PAFAH1B1: variants seen among roughly 807,000 people sequenced by gnomAD.
PAFAH1B1 encodes platelet activating factor acetylhydrolase 1b regulatory subunit 1.
A neutral mutation model predicts 57.5 loss-of-function variants in PAFAH1B1; 2 were observed. That is an observed-to-expected ratio of 0.03 (90% CI 0.01 to 0.11). PAFAH1B1 has a LOEUF of 0.11. Among genes scored for constraint, PAFAH1B1 ranks in the 10% least tolerant of loss-of-function variants. The pLI is 1.00. For missense variants in PAFAH1B1, 257 were observed against 512.0 expected (o/e 0.50, Z 4.81); for synonymous variants, 152 against 169.6 (o/e 0.90, Z 0.81).
At chr17:2,655,398 G>C (rs1259375084) in intron 2 of PAFAH1B1, among the ~76,000 whole-genome samples, 1 of 152,134 alleles carries the variant, frequency 6.6e-6, no homozygotes, top group African/African-American at 2.4e-5. Context: ...CGTAGGCCAG[G>C]CACAGTGGCT....
chr17:2,665,176 T>G (rs2069089662), intron 2 of PAFAH1B1, among the ~76,000 whole-genome samples, 196 bp from the exon 3 acceptor site: 2 of 151,988 alleles, frequency 1.3e-5, no homozygotes, highest in Admixed American at 6.5e-5. Context: ...TATAATATTA[T>G]GGATGTAGTA....
chr17:2,682,217 T>A lies in PAFAH1B1; in HGVS notation c.*415T>A, dbSNP rs2069394691. 1 of 162,496 alleles carries A rather than the reference T, an allele frequency of 6.2e-6. No individual in the cohort carries two copies. Among genetic ancestry groups the A allele is most frequent in the African/African-American group, 2.4e-5 (1 of 41,678 alleles). The allele number at this position is 162,496 out of a possible 1,614,324, so 10.1% of individuals were successfully genotyped here. A position where few individuals can be genotyped will look rare whatever the true frequency, so the allele number is the denominator to read the frequency against. On this transcript the variant is annotated 3_prime_UTR_variant, in exon 11 of 11. Coordinates refer to ENST00000397195, the MANE Select transcript of PAFAH1B1 (RefSeq NM_000430.4). Reference sequence around the variant, plus strand: ...GGGAAAAGTGGTGGTTATTAGGGCTTTTTCTGAAATGTGTATCTATGTAAC... The same window carrying A: ...GGGAAAAGTGGTGGTTATTAGGGCTATTTCTGAAATGTGTATCTATGTAAC...
intron 2 of PAFAH1B1, among the ~76,000 whole-genome samples, chr17:2,648,633 G>A (rs1357295639): frequency 3.3e-5 from 5 of 149,600 alleles, no homozygotes; most frequent in South Asian, 2.1e-4. Context: ...ACCTGAGATC[G>A]TGCCATTGCA....
intron 2 of PAFAH1B1, among the ~76,000 whole-genome samples, chr17:2,654,080 T>G (rs1435994043): frequency 6.6e-6 from 1 of 152,190 alleles, no homozygotes; most frequent in Admixed American, 6.5e-5. Context: ...GTGCTGGGAT[T>G]ACAGGCGTGA....
In PAFAH1B1 at chr17:2,674,178, G is replaced by T. The variant is rs201199675; in HGVS notation, c.790G>T (p.Ala264Ser). 6.2e-7 allele frequency: 1 copy of T among 1,613,992 alleles called. No individual in the cohort carries two copies. Among genetic ancestry groups the T allele is most frequent in the Admixed American group, 1.7e-5 (1 of 59,978 alleles). Residue 264 changes from alanine (A) to serine (S), a missense_variant, in exon 8 of 11, where the codon GCA becomes TCA. Ala to Ser is a moderately conservative substitution (Grantham distance 99). Coordinates refer to ENST00000397195, the MANE Select transcript of PAFAH1B1 (RefSeq NM_000430.4). ...NDQTVRVWVVATKECKAELRE... is the reference protein window; with the variant it reads ...NDQTVRVWVVSTKECKAELRE... ...CCAGACTGTGCGTGTATGGGTCGTA[G>T]CAACAAAGGAATGCAAGGCTGAGCT...
intron 2 of PAFAH1B1, among the ~76,000 whole-genome samples, chr17:2,654,539 T>C (rs1391295003): frequency 6.6e-6 from 1 of 152,192 alleles, no homozygotes; most frequent in Non-Finnish European, 1.5e-5. Flanking sequence ...ATATTTTCAC[T>C]TTCTATGCAG....
chr17:2,672,285 CAAAAAAA>C (rs35332619), intron 6 of PAFAH1B1, among the ~76,000 whole-genome samples: 4 of 69,590 alleles, frequency 5.7e-5, no homozygotes, highest in Non-Finnish European at 7.1e-5. Flanking sequence ...CCTTGCCTCA[CAAAAAAA>C]AAAAAAAAAA....
chr17:2,675,816 G>T lies in PAFAH1B1; in HGVS notation c.901-689G>T, dbSNP rs56277308. 5.3e-5 allele frequency among the ~76,000 whole-genome samples: 8 copies of T among 152,156 alleles called. No homozygotes were observed. The South Asian group carries it at 1.5e-3, about 28-fold the overall frequency. The stretch of plus-strand genomic sequence containing the variant: ...TGATTGTTCCACTGCACTCCAGCCT[G>T]GGTGACAGAATGAGACCCTGTCTTG... On this transcript the variant is annotated intron_variant, in intron 8 of 10. Coordinates refer to ENST00000397195, the MANE Select transcript of PAFAH1B1 (RefSeq NM_000430.4).
chr17:2,668,976 CAT>C (rs1236153232), intron 5 of PAFAH1B1, among the ~76,000 whole-genome samples: 1 of 152,014 alleles, frequency 6.6e-6, no homozygotes, highest in African/African-American at 2.4e-5. Flanking sequence ...GACACACATA[CAT>C]ATATATGTGT....
chr17:2,652,433 A>C (rs1354744614), intron 2 of PAFAH1B1, among the ~76,000 whole-genome samples: 3 of 151,826 alleles, frequency 2.0e-5, no homozygotes, highest in Non-Finnish European at 4.4e-5. Flanking sequence ...CAAAACAAAA[A>C]CCAAAAACAT....
chr17:2,628,784 C>G (rs1238978159), intron 1 of PAFAH1B1, among the ~76,000 whole-genome samples: 1 of 152,082 alleles, frequency 6.6e-6, no homozygotes, highest in South Asian at 2.1e-4. Flanking sequence ...TTGGTCTGTT[C>G]AGCGTATCTA....
At chr17:2,665,342 T>G in intron 2 of PAFAH1B1, 30 bp from the exon 3 acceptor site, 1 of 1,278,422 alleles carries the variant, frequency 7.8e-7, no homozygotes, top group Non-Finnish European at 1.1e-6. Flanking sequence ...GAGGTCTTTT[T>G]TTTAGGAGTC....
intron 10 of PAFAH1B1, chr17:2,681,242 A>T (rs999509790): frequency 2.6e-5 from 4 of 153,034 alleles, no homozygotes; most frequent in African/African-American, 9.7e-5. Context: ...CCTTTGAAAA[A>T]AGAAGAAAAA....
intron 1 of PAFAH1B1, among the ~76,000 whole-genome samples, chr17:2,637,407 C>T (rs973875910): frequency 3.2e-5 from 3 of 94,896 alleles, no homozygotes; most frequent in Non-Finnish European, 6.1e-5. Context: ...GTAGGGAGAC[C>T]TGTCTCTACA....
At chr17:2,660,118 A>G (rs1001741194) in intron 2 of PAFAH1B1, among the ~76,000 whole-genome samples, 4 of 152,002 alleles carry the variant, frequency 2.6e-5, no homozygotes, top group Non-Finnish European at 5.9e-5. Flanking sequence ...AGAGCCTTCA[A>G]CAGCCCTGCA....
chr17:2,673,729 G>A (rs1444935980), intron 7 of PAFAH1B1: 1 of 280,470 alleles, frequency 3.6e-6, no homozygotes, highest in South Asian at 4.3e-5. Flanking sequence ...CTTGATTTTT[G>A]TAGTACAAAG....
At chr17:2,602,130 A>T (rs1389027039) in intron 1 of PAFAH1B1, among the ~76,000 whole-genome samples, 1 of 152,176 alleles carries the variant, frequency 6.6e-6, no homozygotes, top group African/African-American at 2.4e-5. Flanking sequence ...ATCCCAACGT[A>T]AAGATAAAAA....
At chr17:2,610,563 A>G (rs2068256340) in intron 1 of PAFAH1B1, among the ~76,000 whole-genome samples, 1 of 152,250 alleles carries the variant, frequency 6.6e-6, no homozygotes, top group African/African-American at 2.4e-5. Context: ...TCCCTGGGCC[A>G]CATTGGAAGA....
At chr17:2,655,762 C>T (rs36008138) in intron 2 of PAFAH1B1, among the ~76,000 whole-genome samples, 27,276 of 151,018 alleles carry the variant, frequency 0.18, 3,092 homozygotes, top group Non-Finnish European at 0.25. Context: ...GTTACAATGT[C>T]GTCACATTAC....
Sources: gnomAD v4.1 joint callset for allele counts (sites outside exome capture counted in the v4.1 genomes callset) on GRCh38, gnomAD v4.1.1 for gene constraint, MANE v1.5 for transcripts, NCBI Gene and HGNC (gene_info 2026-07-23, HGNC 2026-07-21) for gene names.